Variants in NLGN4Y observed in about 807,000 individuals in gnomAD.
The protein encoded by NLGN4Y is neuroligin 4 Y-linked.
In NLGN4Y, 4 loss-of-function variants were observed where a neutral mutation model predicts 8.4. That is an observed-to-expected ratio of 0.48 (90% confidence interval 0.23 to 1.09). The LOEUF (loss-of-function observed/expected upper bound fraction) is 1.09, where lower values mean the gene tolerates loss of function less well. Ranked by LOEUF, NLGN4Y falls within the 50% of genes least tolerant of loss-of-function variation. The pLI, the probability that NLGN4Y is intolerant of heterozygous loss-of-function variation, is 0.19. For synonymous variants in NLGN4Y, 35 were observed against 75.6 expected, an observed-to-expected ratio of 0.46 and a Z score of 2.78; for missense variants, 90 against 192.3, an observed-to-expected ratio of 0.47 and a Z score of 3.15.
intron 1 of NLGN4Y, among the ~76,000 whole-genome samples, chrY:14,555,695 C>T (rs2150473044): frequency 6.0e-5 from 2 of 33,448 alleles, no homozygotes; most frequent in East Asian, 1.6e-3. Flanking sequence ...TGTTCTAGAG[C>T]TCTCATGATC....
At chrY:14,638,882 C>G in intron 2 of NLGN4Y, among the ~76,000 whole-genome samples, 1 of 33,410 alleles carries the variant, frequency 3.0e-5, no homozygotes, top group South Asian at 6.5e-4. Flanking sequence ...AATTGTGCGT[C>G]TCAAAAAAAA....
intron 4 of NLGN4Y, among the ~76,000 whole-genome samples, chrY:14,795,902 G>A (rs758777216): frequency 3.1e-5 from 1 of 32,760 alleles, no homozygotes; most frequent in East Asian, 8.0e-4. Flanking sequence ...CAGAATTCTT[G>A]GTGCAGTGGA....
intron 4 of NLGN4Y, among the ~76,000 whole-genome samples, chrY:14,727,057 A>C: frequency 3.0e-5 from 1 of 33,182 alleles, no homozygotes; most frequent in African/African-American, 1.2e-4. Context: ...TGGGCTACAG[A>C]GCAAGACTGT....
At chrY:14,772,571 C>A in intron 4 of NLGN4Y, among the ~76,000 whole-genome samples, 2 of 33,461 alleles carry the variant, frequency 6.0e-5, no homozygotes, top group Non-Finnish European at 1.5e-4. Flanking sequence ...ATGAGGCCAG[C>A]ATCATCCTGA....
intron 1 of NLGN4Y, among the ~76,000 whole-genome samples, chrY:14,608,930 C>G (rs2080456727): frequency 3.1e-5 from 1 of 32,598 alleles, no homozygotes; most frequent in African/African-American, 1.2e-4. Context: ...TCCTTCACTT[C>G]CCTTGTAAGT....
At chrY:14,686,370 T>C (rs2080791633) in intron 2 of NLGN4Y, among the ~76,000 whole-genome samples, 1 of 33,136 alleles carries the variant, frequency 3.0e-5, no homozygotes. Flanking sequence ...CATAGTCACT[T>C]CTTACATCTG....
At chrY:14,727,930 C>T (rs112227156) in intron 4 of NLGN4Y, among the ~76,000 whole-genome samples, 5,304 of 32,800 alleles carry the variant, frequency 0.16, no homozygotes, top group Middle Eastern at 0.37. Flanking sequence ...ATCCAATTTC[C>T]AGTCAAATCT....
chrY:14,785,588 C>A, intron 4 of NLGN4Y, among the ~76,000 whole-genome samples: 1 of 32,713 alleles, frequency 3.1e-5, no homozygotes, highest in African/African-American at 1.2e-4. Context: ...CACGGTGAAA[C>A]CCCGTCTCTA....
intron 1 of NLGN4Y, among the ~76,000 whole-genome samples, chrY:14,534,561 A>G (rs2080124426): frequency 2.9e-5 from 1 of 33,925 alleles, no homozygotes; most frequent in Non-Finnish European, 7.3e-5. Flanking sequence ...TTAAATTACC[A>G]AAATAATTTG....
chrY:14,713,128 G>A, intron 2 of NLGN4Y, among the ~76,000 whole-genome samples: 2 of 33,874 alleles, frequency 5.9e-5, no homozygotes, highest in African/African-American at 2.3e-4. Flanking sequence ...ACAGTATCAA[G>A]TTGAAAATTA....
intron 4 of NLGN4Y, among the ~76,000 whole-genome samples, chrY:14,753,723 G>A (rs2081049495): frequency 3.2e-5 from 1 of 31,418 alleles, no homozygotes; most frequent in South Asian, 7.2e-4. Context: ...ACGCATTGCC[G>A]AAAATAGTCC....
At chrY:14,654,831 T>C (rs892273578) in intron 2 of NLGN4Y, among the ~76,000 whole-genome samples, 6 of 32,924 alleles carry the variant, frequency 1.8e-4, no homozygotes, top group Admixed American at 5.7e-4. Flanking sequence ...CTAAGGGAAT[T>C]TGGGCTGTAG....
chrY:14,723,154 C>T lies in NLGN4Y; in HGVS notation c.570C>T (p.Val190=). ...AGAACAGTAAGAAGCCTGTTATGGT[C>T]TATATCCATGGGGGATCTTACATGG... ...HEQNSKKPVM[V]YIHGGSYMEG... Residue 190 remains valine (V), a synonymous_variant, in exon 4 of 7, where the codon GTC becomes GTT. Transcript: ENST00000684976. 2.5e-6 allele frequency: 1 copy of T among 393,529 alleles called. No homozygotes were observed. The highest frequency in any genetic ancestry group is 7.8e-5 in the Admixed American group (1 of 12,868).
chrY:14,760,978 A>G (rs1027963312), intron 4 of NLGN4Y, among the ~76,000 whole-genome samples: 1 of 33,813 alleles, frequency 3.0e-5, no homozygotes, highest in South Asian at 6.6e-4. Context: ...AAGGATGTGC[A>G]GTAGCCAAAC....
At chrY:14,653,385 T>C (rs1603502092) in intron 2 of NLGN4Y, among the ~76,000 whole-genome samples, 1 of 30,795 alleles carries the variant, frequency 3.2e-5, no homozygotes, top group South Asian at 7.9e-4. Context: ...ATCTTATTTA[T>C]TTTTGGGGTG....
chrY:14,671,846 C>CA (rs2080711707), intron 2 of NLGN4Y, among the ~76,000 whole-genome samples: 85 of 28,848 alleles, frequency 2.9e-3, no homozygotes, highest in African/African-American at 9.7e-3. Context: ...AACTCCATCT[C>CA]AAAAAAAAAT....
chrY:14,588,793 T>C, intron 1 of NLGN4Y, among the ~76,000 whole-genome samples: 1 of 32,450 alleles, frequency 3.1e-5, no homozygotes, highest in Non-Finnish European at 7.5e-5. Flanking sequence ...GTCTGTCCCT[T>C]CTGATGTTCA....
At chrY:14,544,778 C>CTTT (rs2080162466) in intron 1 of NLGN4Y, among the ~76,000 whole-genome samples, 3 of 25,418 alleles carry the variant, frequency 1.2e-4, no homozygotes, top group Non-Finnish European at 2.9e-4. Flanking sequence ...GTGCAATTTT[C>CTTT]TTTTTTTTTT....
intron 4 of NLGN4Y, among the ~76,000 whole-genome samples, chrY:14,800,438 A>G: frequency 6.2e-5 from 2 of 32,323 alleles, no homozygotes; most frequent in African/African-American, 2.4e-4. Flanking sequence ...TGATTTATAT[A>G]CATACATATA....
Sources: gnomAD v4.1 joint callset for allele counts (sites outside exome capture counted in the v4.1 genomes callset) on GRCh38, gnomAD v4.1.1 for gene constraint, MANE v1.5 for transcripts, NCBI Gene and HGNC (gene_info 2026-07-23, HGNC 2026-07-21) for gene names.